The following NAPA variants were observed in gnomAD, a reference collection of about 807,000 sequenced individuals.
The protein encoded by NAPA is alpha-soluble NSF attachment protein.
A neutral mutation model predicts 48.0 loss-of-function variants in NAPA; 18 were observed. The observed-to-expected ratio is 0.38, with a 90% CI of 0.26 to 0.56. NAPA has a LOEUF of 0.56. NAPA is among the 20% of genes least tolerant of loss of function. The pLI, the probability that NAPA is intolerant of heterozygous loss-of-function variation, is 0.77. For synonymous variants in NAPA, 152 were observed against 149.9 expected, an observed-to-expected ratio of 1.01 and a Z score of -0.10; for missense variants, 315 against 385.0, an observed-to-expected ratio of 0.82 and a Z score of 1.52.
intron 2 of NAPA, among the ~76,000 whole-genome samples, chr19:47,502,315 T>C (rs1968597130): frequency 6.6e-6 from 1 of 151,596 alleles, no homozygotes; most frequent in Non-Finnish European, 1.5e-5. Flanking sequence ...CTAGGGCTTT[T>C]CTTTGAAGAG....
chr19:47,499,703 C>T (rs1005856985), intron 3 of NAPA, among the ~76,000 whole-genome samples: 1 of 152,240 alleles, frequency 6.6e-6, no homozygotes, highest in Non-Finnish European at 1.5e-5. Context: ...GGAACTAACA[C>T]GTCAGATCAC....
intron 3 of NAPA, chr19:47,496,824 T>C (rs954118593): frequency 2.6e-5 from 12 of 455,374 alleles, no homozygotes; most frequent in Non-Finnish European, 4.4e-5. Flanking sequence ...CCTTCTGACA[T>C]GTAAACAGTG....
chr19:47,514,904 G>T lies in NAPA; in HGVS notation c.37C>A (p.Leu13Met). ...NSGKEAEAMALLAEAERKVKN... is the reference protein window; with the variant it reads ...NSGKEAEAMAMLAEAERKVKN... Reference sequence around the variant, plus strand: ...ACTTTGCGCTCCGCCTCGGCCAACAGCGCCATCGCCTCCGCTTCCTTCCCG... The same window carrying T: ...ACTTTGCGCTCCGCCTCGGCCAACATCGCCATCGCCTCCGCTTCCTTCCCG... The change falls in exon 1 of 11, where the codon CTG (leucine) becomes ATG (methionine). Residue 13 changes from leucine to methionine, a missense_variant. Physicochemically the swap from Leu to Met is conservative, Grantham distance 15 (BLOSUM62 2). Coordinates refer to ENST00000263354, the MANE Select transcript of NAPA (RefSeq NM_003827.4). The T allele has an allele frequency of 6.2e-7, 1 of 1,614,014 alleles. No homozygotes were observed. Among genetic ancestry groups the T allele is most frequent in the Non-Finnish European group, 8.5e-7 (1 of 1,180,014 alleles).
intron 1 of NAPA, among the ~76,000 whole-genome samples, chr19:47,511,464 G>A (rs1204299806): frequency 6.6e-6 from 1 of 152,178 alleles, no homozygotes; most frequent in Non-Finnish European, 1.5e-5. Context: ...GAACACACCA[G>A]CTCTTTTTTT....
At chr19:47,489,452 A>G (rs888717945) in intron 10 of NAPA, 4 of 548,726 alleles carry the variant, frequency 7.3e-6, no homozygotes, top group South Asian at 4.6e-5. Flanking sequence ...TCTGAACACC[A>G]GCTCTGTCCC....
chr19:47,510,258 T>C (rs1301367309), intron 1 of NAPA, among the ~76,000 whole-genome samples: 1 of 152,166 alleles, frequency 6.6e-6, no homozygotes, highest in Non-Finnish European at 1.5e-5. Context: ...GCAGGCCCTG[T>C]ACAGACAAGC....
chr19:47,492,271 A>G, intron 7 of NAPA, 152 bp from the exon 8 acceptor site: 1 of 651,016 alleles, frequency 1.5e-6, no homozygotes, highest in Non-Finnish European at 2.7e-6. Context: ...GGAGCCAGGG[A>G]CCAGCTTGGA....
In NAPA at chr19:47,514,958, T is replaced by C; in HGVS notation, c.-18A>G. ...TTGTCCATGGCGGCCACAAAGGGAC[T>C]CAGCAAAGCGCCTGACCCTGACCCT... On this transcript the variant is annotated 5_prime_UTR_variant, in exon 1 of 11. Coordinates refer to ENST00000263354, the MANE Select transcript of NAPA (RefSeq NM_003827.4). 6.2e-7 allele frequency: 1 copy of C among 1,612,278 alleles called. No individual in the cohort carries two copies. The highest frequency in any genetic ancestry group is 8.5e-7 in the Non-Finnish European group (1 of 1,178,990).
At chr19:47,495,345 G>A (rs1020993086) in intron 4 of NAPA, 1 of 622,836 alleles carries the variant, frequency 1.6e-6, no homozygotes, top group Admixed American at 2.7e-5. Flanking sequence ...GGAGTGAGGG[G>A]GCCGTCAGGC....
intron 1 of NAPA, among the ~76,000 whole-genome samples, 159 bp downstream of exon 1, chr19:47,514,684 G>A (rs1453997527): frequency 6.6e-6 from 1 of 152,078 alleles, no homozygotes; most frequent in Non-Finnish European, 1.5e-5. Context: ...TTGGCCCTCA[G>A]CCTGCGTCCC....
At chr19:47,507,901 T>G (rs1054313731) in intron 1 of NAPA, among the ~76,000 whole-genome samples, 1 of 152,138 alleles carries the variant, frequency 6.6e-6, no homozygotes, top group Non-Finnish European at 1.5e-5. Context: ...GAAAGAGGAC[T>G]GGGGCCCTGG....
intron 1 of NAPA, among the ~76,000 whole-genome samples, chr19:47,510,499 A>G (rs1349271531): frequency 6.6e-6 from 1 of 152,202 alleles, no homozygotes; most frequent in Non-Finnish European, 1.5e-5. Flanking sequence ...CTTCCCACAC[A>G]TCGTCTCATT....
intron 1 of NAPA, among the ~76,000 whole-genome samples, chr19:47,513,683 G>A (rs1968847263): frequency 6.6e-6 from 1 of 151,566 alleles, no homozygotes; most frequent in Non-Finnish European, 1.5e-5. Context: ...ATTACTCGAG[G>A]ATCACACAGC....
intron 9 of NAPA, among the ~76,000 whole-genome samples, chr19:47,490,220 TGTG>T (rs1304375440): frequency 7.0e-6 from 1 of 142,366 alleles, no homozygotes; most frequent in Non-Finnish European, 1.5e-5. Context: ...GTGTGTCATG[TGTG>T]GTGTGTGTGC....
At position 47,490,834 on chromosome 19, in the gene NAPA, T is replaced by TC. The variant is rs1568463324; in HGVS notation, c.688dup (p.Glu230GlyfsTer8). On this transcript the variant is annotated frameshift_variant, in exon 9 of 11. Transcript: ENST00000263354. LOFTEE classifies it high-confidence loss of function. The stretch of plus-strand genomic sequence containing the variant: ...GGAATCAGAGAAAGCTGGGAACAGC[T>TC]CCTCATACTTTTGGACAGCCAGCTG... The TC allele has an allele frequency of 6.2e-7, 1 of 1,613,758 alleles. No homozygotes were observed. The highest frequency in any genetic ancestry group is 2.2e-5 in the East Asian group (1 of 44,866).
intron 8 of NAPA, 147 bp downstream of exon 8, chr19:47,491,868 G>T: frequency 2.8e-6 from 2 of 710,312 alleles, no homozygotes; most frequent in Non-Finnish European, 4.7e-6. Context: ...ACACAGCTGT[G>T]AGAACCACAC....
chr19:47,486,820 G>T (rs1349025140), downstream of NAPA, among the ~76,000 whole-genome samples: 1 of 152,216 alleles, frequency 6.6e-6, no homozygotes, highest in East Asian at 1.9e-4. Context: ...AGCAGGGCAG[G>T]TGTCAAGGAA....
Position 47,514,851 on chromosome 19 carries a change from G to T in NAPA, c.90C>A (p.Gly30=), listed in dbSNP as rs765090817. Residue 30 remains glycine, a synonymous_variant, in exon 1 of 11, where the codon GGC becomes GGA. Coordinates refer to ENST00000263354, the MANE Select transcript of NAPA (RefSeq NM_003827.4). ...KVKNSQSFFS[G]LFGGSSKIEE... is the part of the protein sequence containing the mutation. The stretch of plus-strand genomic sequence containing the variant: ...CTCAGCCCGGTTCTCACCCAAAGAG[G>T]CCAGAGAAGAAGGACTGCGAGTTCT... 4 of 1,613,966 alleles carry T rather than the reference G, an allele frequency of 2.5e-6. No homozygotes were observed. The South Asian group carries it at 3.3e-5, about 13-fold the overall frequency.
chr19:47,488,309 G>T lies in NAPA; in HGVS notation c.867C>A (p.Gly289=), dbSNP rs747068723. 1 of 1,613,444 alleles carries T rather than the reference G, an allele frequency of 6.2e-7. No individual in the cohort carries two copies. The part of the protein sequence containing the change: ...MLLRIKKTIQ[G]DEEDLR ...GGGCTTAGCGCAGGTCCTCCTCATC[G>T]CCCTGGATGGTCTTCTTGATGCGCA... The change falls in exon 11 of 11, where the codon GGC becomes GGA. Residue 289 remains glycine, a synonymous_variant. Coordinates refer to ENST00000263354, the MANE Select transcript of NAPA (RefSeq NM_003827.4).
Sources: allele counts gnomAD v4.1 joint callset (sites outside exome capture counted in the v4.1 genomes callset), GRCh38; gene constraint gnomAD v4.1.1; transcripts MANE v1.5; gene names NCBI Gene and HGNC (gene_info 2026-07-23, HGNC 2026-07-21).